DNAJB1: variants seen among roughly 807,000 people sequenced by gnomAD.
The protein encoded by DNAJB1 is dnaJ homolog subfamily B member 1.
DNAJB1 carries 14 observed loss-of-function variants against 24.0 expected under a neutral mutation model. The observed-to-expected ratio is 0.58, with a 90% confidence interval of 0.39 to 0.91. The LOEUF (loss-of-function observed/expected upper bound fraction) is 0.91, where lower values mean the gene tolerates loss of function less well. DNAJB1 is among the 40% of genes least tolerant of loss of function. The pLI, the probability that DNAJB1 is intolerant of heterozygous loss-of-function variation, is 0.00. For synonymous variants in DNAJB1, 262 were observed against 174.4 expected, an observed-to-expected ratio of 1.50 and a Z score of -3.96; for missense variants, 517 against 458.1, an observed-to-expected ratio of 1.13 and a Z score of -1.17.
chr19:14,518,911 C>T (rs1291085365), upstream of DNAJB1, among the ~76,000 whole-genome samples: 1 of 152,216 alleles, frequency 6.6e-6, no homozygotes, highest in Non-Finnish European at 1.5e-5. Flanking sequence ...AACCCAGGGG[C>T]CCCCTTCTAT....
intron 1 of DNAJB1, among the ~76,000 whole-genome samples, chr19:14,537,899 C>G (rs527821894): frequency 4.7e-4 from 72 of 152,202 alleles, no homozygotes; most frequent in African/African-American, 1.2e-3. Flanking sequence ...GTGCCCACCA[C>G]CACACTTGGC....
chr19:14,518,096 T>C, intron 1 of DNAJB1, 43 bp downstream of exon 1: 1 of 1,408,190 alleles, frequency 7.1e-7, no homozygotes. Flanking sequence ...AGTTTCCCTG[T>C]CTGTCAAAAG....
At chr19:14,519,468 C>T (rs1214907130), upstream of DNAJB1, among the ~76,000 whole-genome samples, 1 of 152,194 alleles carries the variant, frequency 6.6e-6, no homozygotes, top group African/African-American at 2.4e-5. Flanking sequence ...CGGAAGACTG[C>T]CTCTGTTCTC....
At chr19:14,518,607 A>G (rs901950745), upstream of DNAJB1, among the ~76,000 whole-genome samples, 1 of 149,270 alleles carries the variant, frequency 6.7e-6, no homozygotes, top group African/African-American at 2.5e-5. Flanking sequence ...CCTCGGCAAC[A>G]CCTCCCCGCG....
chr19:14,517,082 AC>A, intron 1 of DNAJB1, 36 bp from the exon 2 acceptor site: 1 of 1,565,274 alleles, frequency 6.4e-7, no homozygotes, highest in Non-Finnish European at 8.7e-7. Flanking sequence ...AGATGGCTGA[AC>A]AGCAGACTCT....
In DNAJB1 at chr19:14,514,919, C is replaced by G. The variant is rs1414590429; in HGVS notation, c.*1021G>C. The G allele has an allele frequency of 6.6e-6, 1 of 152,632 alleles. No individual in the cohort carries two copies. The highest frequency in any genetic ancestry group is 1.5e-5 in the Non-Finnish European group (1 of 68,076). 9.5% of individuals were successfully genotyped at this position (152,632 alleles called of 1,614,324 possible). The stretch of plus-strand genomic sequence containing the variant: ...ACAGACATTTGTTCCAACTCCCCTT[C>G]CCTCCCCAAGATTTCTTCAGAATTC... On this transcript the variant is annotated 3_prime_UTR_variant, in exon 3 of 3. Coordinates refer to ENST00000254322, the MANE Select transcript of DNAJB1 (RefSeq NM_006145.3).
At chr19:14,540,105 G>C (rs1467031229) in intron 1 of DNAJB1, among the ~76,000 whole-genome samples, 3 of 151,416 alleles carry the variant, frequency 2.0e-5, no homozygotes, top group African/African-American at 7.3e-5. Flanking sequence ...TGTCGCCCAG[G>C]CTGGAGTGCA....
upstream of DNAJB1, chr19:14,531,782 G>A (rs1419373737): frequency 1.3e-5 from 2 of 152,098 alleles, no homozygotes. Flanking sequence ...GAATGAGGAG[G>A]TTTGTATTCA....
At chr19:14,555,963 G>A (rs1198337819) in intron 1 of DNAJB1, among the ~76,000 whole-genome samples, 1 of 152,116 alleles carries the variant, frequency 6.6e-6, no homozygotes, top group Non-Finnish European at 1.5e-5. Flanking sequence ...ACCCAGCAGT[G>A]GCAAGCAGGT....
intron 2 of DNAJB1, among the ~76,000 whole-genome samples, chr19:14,527,019 CATA>C (rs2072437199): frequency 6.6e-6 from 1 of 152,000 alleles, no homozygotes; most frequent in Admixed American, 6.6e-5. Flanking sequence ...GCCTGGGCAA[CATA>C]ATGAGATCCC....
intron 1 of DNAJB1, 91 bp downstream of exon 1, chr19:14,518,048 C>A (rs2072306470): frequency 7.6e-7 from 1 of 1,315,126 alleles, no homozygotes; most frequent in Non-Finnish European, 9.8e-7. Flanking sequence ...CCCGGGGCGT[C>A]CTTCCCGGGG....
chr19:14,556,413 A>C (rs73521835), intron 1 of DNAJB1, among the ~76,000 whole-genome samples: 101 of 86,632 alleles, frequency 1.2e-3, no homozygotes, highest in East Asian at 2.8e-3. Context: ...TCTCTCAAAA[A>C]AAAAACAAAA....
intron 1 of DNAJB1, among the ~76,000 whole-genome samples, chr19:14,549,646 CTT>C (rs1354326169): frequency 4.0e-5 from 6 of 151,816 alleles, no homozygotes; most frequent in African/African-American, 1.2e-4. Flanking sequence ...CTTTTGGCCT[CTT>C]TATAAAATAC....
At chr19:14,518,852 G>A (rs1318530042), upstream of DNAJB1, among the ~76,000 whole-genome samples, 1 of 152,272 alleles carries the variant, frequency 6.6e-6, no homozygotes, top group Non-Finnish European at 1.5e-5. Flanking sequence ...GGCCTGCGGT[G>A]GGCTCCCGCC....
At position 14,526,358 on chromosome 19, in the gene DNAJB1, G is replaced by C. The variant is rs11878752; in HGVS notation, c.-90+1368C>G. ...AGGGGGCCACAGTACAGTGTCCTCA[G>C]TGGCTTGAACAAAGTGGCCAGTCTT... On this transcript the variant is annotated intron_variant, in intron 2 of 3. Transcript: ENST00000396969. Among the ~76,000 whole-genome samples, 931 of 152,314 alleles carry C rather than the reference G, an allele frequency of 6.1e-3. 11 individuals are homozygous for C. Among genetic ancestry groups the C allele is most frequent in the African/African-American group, 0.021 (877 of 41,562 alleles).
At chr19:14,529,830 A>T, upstream of DNAJB1, 1 of 1,443,430 alleles carries the variant, frequency 6.9e-7, no homozygotes, top group East Asian at 2.3e-5. Context: ...CAGACGGCGC[A>T]GGCGCAGTGG....
upstream of DNAJB1, among the ~76,000 whole-genome samples, chr19:14,518,825 T>C (rs984981920): frequency 6.6e-6 from 1 of 152,238 alleles, no homozygotes; most frequent in African/African-American, 2.4e-5. Flanking sequence ...ATGAACCTGC[T>C]CGCCCTTGTC....
At chr19:14,553,440 G>A (rs1178414213), upstream of DNAJB1, among the ~76,000 whole-genome samples, 3 of 152,118 alleles carry the variant, frequency 2.0e-5, no homozygotes, top group African/African-American at 4.8e-5. Flanking sequence ...CCACTGTGGC[G>A]CCTCGGGGAG....
intron 1 of DNAJB1, 193 bp downstream of exon 1, chr19:14,517,946 G>A (rs978954730): frequency 3.9e-5 from 20 of 506,608 alleles, no homozygotes; most frequent in South Asian, 2.8e-4. Flanking sequence ...CTGGCCGAGC[G>A]GCTGGGCCAA....
Sources: allele counts gnomAD v4.1 joint callset (sites outside exome capture counted in the v4.1 genomes callset), GRCh38; gene constraint gnomAD v4.1.1; transcripts MANE v1.5; gene names NCBI Gene and HGNC (gene_info 2026-07-23, HGNC 2026-07-21).